Variants in ANK3 observed in about 807,000 individuals in gnomAD.
ANK3 encodes the protein ankyrin-3.
A neutral mutation model predicts 370.9 loss-of-function variants in ANK3; 57 were observed. That is an observed-to-expected ratio of 0.15 (90% CI 0.12 to 0.19). ANK3 has a LOEUF of 0.19. Ranked by LOEUF, ANK3 falls within the 10% of genes least tolerant of loss-of-function variation. ANK3 has a pLI of 1.00. For synonymous variants in ANK3, 1,929 were observed against 1,946.3 expected (o/e 0.99, Z 0.23); for missense variants, 4,439 against 5,302.1 (o/e 0.84, Z 5.06).
chr10:60,333,066 T>G (rs2051781724), intron 1 of ANK3, among the ~76,000 whole-genome samples: 1 of 152,188 alleles, frequency 6.6e-6, no homozygotes, highest in South Asian at 2.1e-4. Flanking sequence ...CTCTTTAATC[T>G]TTTTATTTTG....
At position 60,105,919 on chromosome 10, in the gene ANK3, T is replaced by G. The variant is rs2092108977; in HGVS notation, c.3314A>C (p.Asn1105Thr). The G allele has an allele frequency of 6.2e-7, 1 of 1,610,714 alleles. No individual in the cohort carries two copies. Among genetic ancestry groups the G allele is most frequent in the Non-Finnish European group, 8.5e-7 (1 of 1,178,708 alleles). Residue 1105 changes from asparagine to threonine, a missense_variant, in exon 28 of 44, where the codon AAT (asparagine) becomes ACT (threonine). Physicochemically the swap from Asn to Thr is moderately conservative, Grantham distance 65 (BLOSUM62 0). Coordinates refer to ENST00000280772, the MANE Select transcript of ANK3 (RefSeq NM_020987.5). ...ATCATTATTACCTTCATCCATGCCA[T>G]TAAGTAACTCGGTTAAATCTTCATT... ...SKNEDLTELL[N>T]GMDEELDSPE...
At chr10:60,501,524 G>C (rs1017311439) in intron 2 of ANK3, among the ~76,000 whole-genome samples, 1 of 152,016 alleles carries the variant, frequency 6.6e-6, no homozygotes, top group Non-Finnish European at 1.5e-5. Context: ...GGCCATGATG[G>C]AGAAACCCTG....
intron 42 of ANK3, among the ~76,000 whole-genome samples, chr10:60,051,769 T>G (rs540218297): frequency 3.2e-4 from 42 of 130,486 alleles, no homozygotes; most frequent in African/African-American, 1.2e-3. Flanking sequence ...GGATTCTAAG[T>G]GAAATTACTC....
intron 1 of ANK3, among the ~76,000 whole-genome samples, chr10:60,333,563 G>A (rs1351920102): frequency 1.3e-5 from 2 of 152,112 alleles, no homozygotes; most frequent in African/African-American, 4.8e-5. Flanking sequence ...TGGGCATTTG[G>A]GTTGGTTCCA....
chr10:60,275,923 A>G (rs1031281693), intron 4 of ANK3, among the ~76,000 whole-genome samples: 1 of 152,200 alleles, frequency 6.6e-6, no homozygotes, highest in African/African-American at 2.4e-5. Flanking sequence ...AACATTGTTA[A>G]TCATTGTTGA....
At position 60,139,200 on chromosome 10, in the gene ANK3, T is replaced by G. The variant is rs2094467257; in HGVS notation, c.2615-113A>C. The G allele has an allele frequency of 2.3e-6, 3 of 1,278,424 alleles. No homozygotes were observed. The African/African-American group carries it at 4.5e-5, about 19-fold the overall frequency. 79.2% of individuals were successfully genotyped at this position (1,278,424 alleles called of 1,614,324 possible). On this transcript the variant is annotated intron_variant, in intron 23 of 43. Coordinates refer to ENST00000280772, the MANE Select transcript of ANK3 (RefSeq NM_020987.5). ...AATCCCCCAATATCTCATATTCACC[T>G]TCCCCTATCACCTGGATAATTTTTG...
At chr10:60,688,903 G>A (rs1321366907) in intron 1 of ANK3, among the ~76,000 whole-genome samples, 3 of 151,186 alleles carry the variant, frequency 2.0e-5, no homozygotes, top group East Asian at 2.0e-4. Context: ...AGCCAAGATC[G>A]TGCCACTGCA....
At chr10:60,541,462 A>T (rs1421840628) in intron 2 of ANK3, among the ~76,000 whole-genome samples, 1 of 152,020 alleles carries the variant, frequency 6.6e-6, no homozygotes, top group African/African-American at 2.4e-5. Flanking sequence ...AGATAATATT[A>T]CGTTTTCTTT....
intron 2 of ANK3, among the ~76,000 whole-genome samples, chr10:60,514,507 TTTACA>T (rs2076168279): frequency 6.6e-6 from 1 of 152,130 alleles, no homozygotes; most frequent in South Asian, 2.1e-4. Context: ...CTTTCTGTTC[TTTACA>T]TTAATCTTGC....
rs1021110604 is a variant in ANK3, at chr10:60,468,236, G to A, written c.96+146950C>T. ...TGACCACAGGTGATCTGCCCATCTCGGCCTCCCAAAGTGCTGGAATTACAG... is the reference window on the plus strand; with the variant it reads ...TGACCACAGGTGATCTGCCCATCTCAGCCTCCCAAAGTGCTGGAATTACAG... On this transcript the variant is annotated intron_variant, in intron 2 of 43. Transcript: ENST00000373827. Among the ~76,000 whole-genome samples, 9 of 152,038 alleles carry A rather than the reference G, an allele frequency of 5.9e-5. No individual in the cohort carries two copies. In the East Asian group the frequency reaches 7.7e-4, roughly 13 times the overall value.
chr10:60,374,591 G>A (rs977049928), intron 1 of ANK3, among the ~76,000 whole-genome samples: 5 of 152,086 alleles, frequency 3.3e-5, no homozygotes, highest in African/African-American at 2.4e-5. Flanking sequence ...TGGAAAATGA[G>A]TTCCAAATAC....
intron 1 of ANK3, among the ~76,000 whole-genome samples, chr10:60,386,422 T>A (rs1335286562): frequency 6.6e-6 from 1 of 151,998 alleles, no homozygotes; most frequent in Non-Finnish European, 1.5e-5. Flanking sequence ...TAGACGCATT[T>A]CCTTTCAACA....
At position 60,071,209 on chromosome 10, in the gene ANK3, C is replaced by T. The variant is rs767295895; in HGVS notation, c.9672G>A (p.Glu3224=). 5.0e-6 allele frequency: 8 copies of T among 1,614,012 alleles called. No individual in the cohort carries two copies. The Admixed American group carries it at 1.0e-4, about 20-fold the overall frequency. ...GCATTTCACGCTCAACTGCTGTTTCCTCCACTGTAGTCTGCTTAAGGGAGG... is the reference window on the plus strand; with the variant it reads ...GCATTTCACGCTCAACTGCTGTTTCTTCCACTGTAGTCTGCTTAAGGGAGG... ...KSTSLKQTTV[E]ETAVEREMPN... is the part of the protein sequence containing the mutation. Residue 3224 remains glutamate (E), a synonymous_variant, in exon 37 of 44, where the codon GAG becomes GAA. Coordinates refer to ENST00000280772, the MANE Select transcript of ANK3 (RefSeq NM_020987.5).
chr10:60,698,789 T>G (rs1028019925), intron 1 of ANK3, among the ~76,000 whole-genome samples: 2 of 144,110 alleles, frequency 1.4e-5, no homozygotes, highest in African/African-American at 5.1e-5. Flanking sequence ...CATTAGGAGA[T>G]ATACCTAATG....
intron 2 of ANK3, among the ~76,000 whole-genome samples, chr10:60,403,915 T>G (rs993127508): frequency 3.3e-5 from 5 of 152,096 alleles, no homozygotes; most frequent in Non-Finnish European, 5.9e-5. Flanking sequence ...GGATACAAGA[T>G]CAACATACAG....
At chr10:60,604,695 T>C (rs1256865406) in intron 2 of ANK3, among the ~76,000 whole-genome samples, 1 of 152,146 alleles carries the variant, frequency 6.6e-6, no homozygotes, top group African/African-American at 2.4e-5. Context: ...AGAATAATGC[T>C]TTGGGGGTTT....
chr10:60,050,278 T>C (rs2077687915), intron 42 of ANK3, among the ~76,000 whole-genome samples: 1 of 152,220 alleles, frequency 6.6e-6, no homozygotes, highest in African/African-American at 2.4e-5. Flanking sequence ...TCATGGTTTT[T>C]AAAGGAACCC....
intron 2 of ANK3, among the ~76,000 whole-genome samples, chr10:60,510,443 A>T (rs1775001254): frequency 6.6e-6 from 1 of 152,152 alleles, no homozygotes; most frequent in Non-Finnish European, 1.5e-5. Context: ...CATTTCACCT[A>T]TGTCAGCTGA....
intron 1 of ANK3, among the ~76,000 whole-genome samples, chr10:60,347,673 A>G (rs888807208): frequency 3.3e-5 from 5 of 152,142 alleles, no homozygotes; most frequent in African/African-American, 1.2e-4. Flanking sequence ...ATACAATCAT[A>G]AATCTATTGC....
Sources: allele counts gnomAD v4.1 joint callset (sites outside exome capture counted in the v4.1 genomes callset), GRCh38; gene constraint gnomAD v4.1.1; transcripts MANE v1.5; gene names NCBI Gene and HGNC (gene_info 2026-07-23, HGNC 2026-07-21).